The following GLI2 variants were observed in gnomAD, a reference collection of about 807,000 sequenced individuals.
GLI2 encodes transcription activator GLI2.
Under a neutral mutation model 78.9 loss-of-function variants are expected in GLI2, and 22 were observed. The observed-to-expected ratio is 0.28, with a 90% CI of 0.20 to 0.40. The LOEUF (loss-of-function observed/expected upper bound fraction) is 0.40, where lower values mean the gene tolerates loss of function less well. GLI2 is among the 10% of genes least tolerant of loss of function. The pLI is 1.00. For synonymous variants in GLI2, 974 were observed against 963.7 expected, an observed-to-expected ratio of 1.01 and a Z score of -0.20; for missense variants, 2,097 against 2,213.2, an observed-to-expected ratio of 0.95 and a Z score of 1.05.
intron 3 of GLI2, among the ~76,000 whole-genome samples, chr2:120,950,305 A>G (rs974393247): frequency 1.3e-5 from 2 of 152,384 alleles, no homozygotes; most frequent in Admixed American, 1.3e-4. Context: ...AAATCTTGGT[A>G]AATGTGGTTC....
In GLI2 at chr2:120,868,720, C is replaced by G. The variant is rs77255377; in HGVS notation, c.149-58641C>G. 6.0e-3 allele frequency among the ~76,000 whole-genome samples: 917 copies of G among 152,160 alleles called. 6 individuals carry two copies. The highest frequency in any genetic ancestry group is 0.021 in the African/African-American group (860 of 41,498). ...TGTGACTTGCTAGAAGAGAAATGGT[C>G]GAGGGAAGAGGGGGCGGGTGACTGG... On this transcript the variant is annotated intron_variant, in intron 2 of 13. Transcript: ENST00000361492.
intron 5 of GLI2, among the ~76,000 whole-genome samples, chr2:120,961,151 C>T (rs1681536334): frequency 6.6e-6 from 1 of 152,202 alleles, no homozygotes; most frequent in African/African-American, 2.4e-5. Flanking sequence ...GAAATGTTGT[C>T]TGTTTACTGC....
intron 2 of GLI2, among the ~76,000 whole-genome samples, chr2:120,850,748 C>G (rs11890759): frequency 0.017 from 2,624 of 152,204 alleles, 57 homozygotes; most frequent in African/African-American, 0.059. Context: ...TTTGGAGGAT[C>G]GGGAGCTGCT....
intron 1 of GLI2, among the ~76,000 whole-genome samples, chr2:120,783,553 G>A (rs1683908568): frequency 6.6e-6 from 1 of 152,046 alleles, no homozygotes; most frequent in African/African-American, 2.4e-5. Flanking sequence ...AAAGGAGAGG[G>A]GGAAGAGCAA....
chr2:120,886,322 T>TGTAATTGATCATGGCTCACTGCAGC (rs1677413091), intron 2 of GLI2, among the ~76,000 whole-genome samples: 1 of 152,012 alleles, frequency 6.6e-6, no homozygotes, highest in Admixed American at 6.6e-5. Flanking sequence ...TGGAGTGCAG[T>TGTAATTGATCATGGCTCACTGCAGC]GTCATTGATC....
Position 120,989,857 on chromosome 2 carries a change from C to T in GLI2, c.3892C>T (p.Pro1298Ser), listed in dbSNP as rs114376238. Residue 1298 changes from proline (P) to serine (S), a missense_variant, in exon 14 of 14, where the codon CCT (proline) becomes TCT (serine). Physicochemically the swap from Pro to Ser is moderately conservative, Grantham distance 74. Around this residue, in one of 5 missense-constraint regions of GLI2, gnomAD observed 1,290 missense variants for 1,261.7 expected, o/e 1.02. Transcript: ENST00000361492. ...PDSALAGVPP[P>S]HPVQSYPQQS... ...TTCAGCCCTGGCTGGAGTGCCACCA[C>T]CTCACCCAGTCCAGAGCTACCCACA... is the stretch of plus-strand genomic sequence containing the variant. 0.024 allele frequency: 38,992 copies of T among 1,612,970 alleles called. 588 individuals carry two copies. The highest frequency in any genetic ancestry group is 0.029 in the Non-Finnish European group (34,257 of 1,179,846).
chr2:120,942,388 C>T (rs10167579), intron 3 of GLI2, among the ~76,000 whole-genome samples: 6,779 of 152,280 alleles, frequency 0.045, 181 homozygotes, highest in Middle Eastern at 0.078. Context: ...GGCTCCTGGC[C>T]ATTTCCCTGT....
At chr2:120,809,570 A>G (rs1193365890) in intron 2 of GLI2, among the ~76,000 whole-genome samples, 1 of 151,654 alleles carries the variant, frequency 6.6e-6, no homozygotes, top group Non-Finnish European at 1.5e-5. Context: ...GAAAGGATAG[A>G]AGGAAGGAAA....
At chr2:120,778,593 C>T (rs1445583023) in intron 1 of GLI2, among the ~76,000 whole-genome samples, 1 of 152,150 alleles carries the variant, frequency 6.6e-6, no homozygotes, top group African/African-American at 2.4e-5. Context: ...CCACATGTGG[C>T]TGGTGGGGTG....
chr2:120,989,814 G>T lies in GLI2; in HGVS notation c.3849G>T (p.Arg1283Ser), dbSNP rs1683199019. 1 of 1,611,144 alleles carries T rather than the reference G, an allele frequency of 6.2e-7. No individual in the cohort carries two copies. Among genetic ancestry groups the T allele is most frequent in the South Asian group, 1.1e-5 (1 of 90,900 alleles). Residue 1283 changes from arginine (R) to serine (S), a missense_variant, in exon 14 of 14, where the codon AGG becomes AGT. This residue lies in a region of GLI2 where 1,290 missense variants were observed against 1,261.7 expected (regional missense o/e 1.02). Coordinates refer to ENST00000361492, the MANE Select transcript of GLI2 (RefSeq NM_001374353.1). ...PDPTTMGNRH[R>S]ELGVPDSALA... The stretch of plus-strand genomic sequence containing the variant: ...CCACCACGATGGGCAATCGCCACAG[G>T]GAACTTGGGGTCCCCGATTCAGCCC...
intron 2 of GLI2, among the ~76,000 whole-genome samples, chr2:120,805,138 A>G (rs1187093500): frequency 6.6e-6 from 1 of 152,160 alleles, no homozygotes; most frequent in African/African-American, 2.4e-5. Flanking sequence ...CCTCACACTC[A>G]CTGCCACTCA....
intron 2 of GLI2, among the ~76,000 whole-genome samples, chr2:120,802,228 T>A (rs1223857913): frequency 6.6e-6 from 1 of 152,156 alleles, no homozygotes; most frequent in South Asian, 2.1e-4. Flanking sequence ...AGTCACTATT[T>A]CCCTGTGCCA....
intron 8 of GLI2, among the ~76,000 whole-genome samples, chr2:120,973,238 C>A (rs534038297): frequency 6.6e-6 from 1 of 152,234 alleles, no homozygotes; most frequent in Admixed American, 6.5e-5. Context: ...ATGGTTTCCA[C>A]GGGGCCGACC....
At chr2:120,945,955 T>TCACACACACACACACACACA in intron 3 of GLI2, among the ~76,000 whole-genome samples, 1 of 11,560 alleles carries the variant, frequency 8.7e-5, no homozygotes, top group Non-Finnish European at 4.5e-4. Flanking sequence ...GGCATAACCT[T>TCACACACACACACACACACA]CTCACACACA....
intron 1 of GLI2, among the ~76,000 whole-genome samples, chr2:120,791,842 T>C (rs565115001): frequency 6.6e-6 from 1 of 152,312 alleles, no homozygotes; most frequent in South Asian, 2.1e-4. Context: ...CGTGTGTGTG[T>C]GGCCTGCGTG....
At chr2:120,795,482 C>T (rs779822164) in intron 1 of GLI2, among the ~76,000 whole-genome samples, 1 of 151,272 alleles carries the variant, frequency 6.6e-6, no homozygotes, top group Non-Finnish European at 1.5e-5. Flanking sequence ...GAGGTCACAC[C>T]ACTGCACTCC....
Position 120,927,385 on chromosome 2 carries a change from T to G in GLI2, c.173T>G (p.Phe58Cys). 2 of 1,613,826 alleles carry G rather than the reference T, an allele frequency of 1.2e-6. No individual in the cohort carries two copies. Among genetic ancestry groups the G allele is most frequent in the Non-Finnish European group, 1.7e-6 (2 of 1,179,702 alleles). ...QGVPQHLLPP[F>C]HAPLPIDMRH... ...GTGCCGCAGCATCTCTTGCCACCATTCCATGCGCCCCTACCGATTGACATG... is the reference window on the plus strand; with the variant it reads ...GTGCCGCAGCATCTCTTGCCACCATGCCATGCGCCCCTACCGATTGACATG... The change falls in exon 3 of 14, where the codon TTC (phenylalanine) becomes TGC (cysteine). Residue 58 changes from phenylalanine to cysteine, a missense_variant. By Grantham distance (205) the Phe-to-Cys change is radical. Around this residue, in one of 5 missense-constraint regions of GLI2, gnomAD observed 578 missense variants for 612.0 expected, o/e 0.94. Coordinates refer to ENST00000361492, the MANE Select transcript of GLI2 (RefSeq NM_001374353.1).
intron 1 of GLI2, among the ~76,000 whole-genome samples, chr2:120,747,369 C>T (rs1194321445): frequency 2.0e-5 from 3 of 152,144 alleles, no homozygotes; most frequent in Non-Finnish European, 4.4e-5. Flanking sequence ...GAGACACTGG[C>T]GGATCTCCAT....
At chr2:120,812,938 G>A (rs965037813) in intron 2 of GLI2, among the ~76,000 whole-genome samples, 1 of 152,210 alleles carries the variant, frequency 6.6e-6, no homozygotes, top group Non-Finnish European at 1.5e-5. Flanking sequence ...CACTGAAGAA[G>A]GCGGGGACAC....
Sources: allele counts gnomAD v4.1 joint callset (sites outside exome capture counted in the v4.1 genomes callset), GRCh38; gene constraint gnomAD v4.1.1; regional missense constraint gnomAD v4.1.1; transcripts MANE v1.5; gene names NCBI Gene and HGNC (gene_info 2026-07-23, HGNC 2026-07-21).